Variants in HCN1 observed in about 807,000 individuals in gnomAD.
HCN1 encodes hyperpolarization activated cyclic nucleotide gated potassium channel 1, also known as potassium/sodium hyperpolarization-activated cyclic nucleotide-gated channel 1.
Under a neutral mutation model 78.9 loss-of-function variants are expected in HCN1, and 13 were observed. That is an observed-to-expected ratio of 0.16 (90% CI 0.11 to 0.26). The LOEUF (loss-of-function observed/expected upper bound fraction) is 0.26, where lower values mean the gene tolerates loss of function less well. HCN1 is among the 10% of genes least tolerant of loss of function. The probability of loss-of-function intolerance (pLI) is 1.00; values close to 1 mark genes in which losing one functional copy is unlikely to be tolerated. For synonymous variants in HCN1, 552 were observed against 455.5 expected (o/e 1.21, Z -2.70); for missense variants, 810 against 1,154.3 (o/e 0.70, Z 4.32).
chr5:45,651,464 G>C (rs1220159725), intron 1 of HCN1, among the ~76,000 whole-genome samples: 1 of 151,872 alleles, frequency 6.6e-6, no homozygotes, highest in Non-Finnish European at 1.5e-5. Context: ...AATTGAGCAT[G>C]TTTATAACAA....
At chr5:45,455,066 C>T (rs1011190878) in intron 3 of HCN1, among the ~76,000 whole-genome samples, 11 of 151,928 alleles carry the variant, frequency 7.2e-5, no homozygotes, top group African/African-American at 2.4e-4. Context: ...CTCCCTGGCC[C>T]TCGGTTTTTC....
intron 5 of HCN1, among the ~76,000 whole-genome samples, chr5:45,345,782 T>C (rs1746689096): frequency 6.6e-6 from 1 of 152,234 alleles, no homozygotes; most frequent in African/African-American, 2.4e-5. Flanking sequence ...TCTCTTCTTC[T>C]GAACCCTCCA....
intron 6 of HCN1, among the ~76,000 whole-genome samples, chr5:45,302,239 C>G (rs1406207225): frequency 6.6e-6 from 1 of 151,604 alleles, no homozygotes; most frequent in Non-Finnish European, 1.5e-5. Context: ...ATGTTGTTCT[C>G]ATGGTGGTGA....
intron 2 of HCN1, among the ~76,000 whole-genome samples, chr5:45,533,536 C>G (rs1380256357): frequency 6.6e-6 from 1 of 152,186 alleles, no homozygotes; most frequent in South Asian, 2.1e-4. Context: ...TATGTACTGA[C>G]TAGCCTTTCC....
At chr5:45,383,527 T>A (rs1443995594) in intron 4 of HCN1, among the ~76,000 whole-genome samples, 1 of 152,100 alleles carries the variant, frequency 6.6e-6, no homozygotes, top group Non-Finnish European at 1.5e-5. Context: ...AAATCCCATC[T>A]CTACTAAAAC....
At chr5:45,340,491 C>G (rs1403013609) in intron 5 of HCN1, among the ~76,000 whole-genome samples, 1 of 152,082 alleles carries the variant, frequency 6.6e-6, no homozygotes, top group Non-Finnish European at 1.5e-5. Context: ...ATTCCTGATA[C>G]TGTCTGTTGG....
intron 2 of HCN1, among the ~76,000 whole-genome samples, chr5:45,465,921 C>CT (rs1159196500): frequency 6.6e-6 from 1 of 152,098 alleles, no homozygotes; most frequent in Non-Finnish European, 1.5e-5. Context: ...TCTCATTGAA[C>CT]TTTTTTTATA....
At chr5:45,497,218 C>G (rs1293497406) in intron 2 of HCN1, among the ~76,000 whole-genome samples, 1 of 152,064 alleles carries the variant, frequency 6.6e-6, no homozygotes, top group Non-Finnish European at 1.5e-5. Context: ...TCTATTAGGT[C>G]CACTTGGTGC....
At chr5:45,540,631 A>T (rs570841167) in intron 2 of HCN1, among the ~76,000 whole-genome samples, 1 of 152,176 alleles carries the variant, frequency 6.6e-6, no homozygotes, top group East Asian at 1.9e-4. Context: ...TGCCTAGCAG[A>T]TTTTTTACAA....
intron 2 of HCN1, among the ~76,000 whole-genome samples, chr5:45,515,752 A>G (rs1742504324): frequency 6.6e-6 from 1 of 152,014 alleles, no homozygotes; most frequent in South Asian, 2.1e-4. Context: ...TAACCACATT[A>G]TGAAACATCA....
chr5:45,671,684 T>C (rs899377214), intron 1 of HCN1, among the ~76,000 whole-genome samples: 2 of 151,558 alleles, frequency 1.3e-5, no homozygotes, highest in African/African-American at 2.4e-5. Context: ...ATTTCAATAG[T>C]TGTATAACTA....
intron 3 of HCN1, among the ~76,000 whole-genome samples, chr5:45,403,108 C>A (rs1739857474): frequency 6.6e-6 from 1 of 152,082 alleles, no homozygotes; most frequent in Non-Finnish European, 1.5e-5. Context: ...AGGATCTTCT[C>A]TGTTACTCTA....
At chr5:45,291,600 A>C (rs541404684) in intron 6 of HCN1, among the ~76,000 whole-genome samples, 1 of 152,090 alleles carries the variant, frequency 6.6e-6, no homozygotes, top group South Asian at 2.1e-4. Flanking sequence ...GCTGGAGTGC[A>C]ATGGTACAAT....
At chr5:45,465,917 T>G (rs1394072956) in intron 2 of HCN1, among the ~76,000 whole-genome samples, 1 of 152,204 alleles carries the variant, frequency 6.6e-6, no homozygotes, top group Non-Finnish European at 1.5e-5. Context: ...AAATTCTCAT[T>G]GAACTTTTTT....
chr5:45,550,481 C>T (rs1416341668), intron 2 of HCN1, among the ~76,000 whole-genome samples: 2 of 152,106 alleles, frequency 1.3e-5, no homozygotes, highest in African/African-American at 2.4e-5. Context: ...GAACATCACA[C>T]ACCGGTGCCT....
At chr5:45,397,449 T>C (rs1214216930) in intron 3 of HCN1, among the ~76,000 whole-genome samples, 1 of 152,036 alleles carries the variant, frequency 6.6e-6, no homozygotes, top group African/African-American at 2.4e-5. Flanking sequence ...TCTGATGTCA[T>C]TTAAAAAAAA....
At chr5:45,368,674 A>T (rs907503302) in intron 4 of HCN1, among the ~76,000 whole-genome samples, 2 of 151,638 alleles carry the variant, frequency 1.3e-5, no homozygotes, top group Non-Finnish European at 2.9e-5. Context: ...CATTTAACGC[A>T]TCCAAAGCTG....
intron 3 of HCN1, among the ~76,000 whole-genome samples, chr5:45,460,329 G>A (rs374916818): frequency 9.9e-5 from 15 of 152,218 alleles, no homozygotes; most frequent in East Asian, 3.9e-4. Flanking sequence ...GGACATAGCA[G>A]CATGGTGCCA....
intron 2 of HCN1, among the ~76,000 whole-genome samples, chr5:45,524,097 G>A (rs531988178): frequency 2.0e-5 from 3 of 152,230 alleles, no homozygotes; most frequent in East Asian, 3.9e-4. Flanking sequence ...AGTTTTCCCA[G>A]CACCATTTAT....
Sources: allele counts gnomAD v4.1 joint callset (sites outside exome capture counted in the v4.1 genomes callset), GRCh38; gene constraint gnomAD v4.1.1; transcripts MANE v1.5; gene names NCBI Gene and HGNC (gene_info 2026-07-23, HGNC 2026-07-21).